Variants in PLEKHB2 observed in about 807,000 individuals in gnomAD.
The protein encoded by PLEKHB2 is pleckstrin homology domain-containing family B member 2.
In PLEKHB2, 31 loss-of-function variants were observed where a neutral mutation model predicts 36.5. The observed-to-expected ratio is 0.85, with a 90% confidence interval of 0.64 to 1.15. The LOEUF (loss-of-function observed/expected upper bound fraction) is 1.15, where lower values mean the gene tolerates loss of function less well. PLEKHB2 is among the 50% of genes most tolerant of loss of function. The pLI is 0.00. For missense variants in PLEKHB2, 262 were observed against 295.3 expected, an observed-to-expected ratio of 0.89 and a Z score of 0.83; for synonymous variants, 119 against 112.0, an observed-to-expected ratio of 1.06 and a Z score of -0.39.
At chr2:131,105,687 C>T (rs985790988) in intron 1 of PLEKHB2, among the ~76,000 whole-genome samples, 24 of 152,294 alleles carry the variant, frequency 1.6e-4, no homozygotes, top group African/African-American at 5.3e-4. Context: ...CAGACCCCTT[C>T]CCATCGCTTC....
rs1696430432 is a variant in PLEKHB2 at position 131,120,829 on chromosome 2, G to T, written c.-8-105G>T. The T allele has an allele frequency of 4.3e-6, 5 of 1,155,856 alleles. No individual in the cohort carries two copies. In the South Asian group the frequency reaches 5.1e-5, roughly 12 times the overall value. 71.6% of individuals were successfully genotyped at this position (1,155,856 alleles called of 1,614,324 possible). A position where few individuals can be genotyped will look rare whatever the true frequency, so the allele number is the denominator to read the frequency against. On this transcript the variant is annotated intron_variant, in intron 1 of 7. Coordinates refer to ENST00000693505, the MANE Select transcript of PLEKHB2 (RefSeq NM_001100623.2). ...GGGCACTGAGCTAAAATGGCCTTGG[G>T]CCCTTCCTCAGCTGATGCTGAAGGG...
intron 4 of PLEKHB2, among the ~76,000 whole-genome samples, chr2:131,129,586 C>T (rs1697458524): frequency 6.6e-6 from 1 of 152,124 alleles, no homozygotes; most frequent in Non-Finnish European, 1.5e-5. Context: ...CTCATTGCAA[C>T]CTCTGCCTCC....
intron 1 of PLEKHB2, among the ~76,000 whole-genome samples, chr2:131,109,007 A>G (rs949009698): frequency 5.3e-5 from 8 of 152,314 alleles, no homozygotes; most frequent in African/African-American, 1.7e-4. Context: ...TCTAAAGCTT[A>G]TACCCAAACA....
chr2:131,127,625 G>A (rs1009040085), intron 4 of PLEKHB2, among the ~76,000 whole-genome samples: 3 of 152,116 alleles, frequency 2.0e-5, no homozygotes, highest in Non-Finnish European at 2.9e-5. Context: ...TTCCCTGAGG[G>A]GAAAACATTT....
chr2:131,115,683 C>T (rs1381850656), intron 1 of PLEKHB2, among the ~76,000 whole-genome samples: 1 of 152,086 alleles, frequency 6.6e-6, no homozygotes, highest in Non-Finnish European at 1.5e-5. Context: ...ACACATTCTA[C>T]TGTAATATAT....
intron 1 of PLEKHB2, among the ~76,000 whole-genome samples, chr2:131,111,652 A>C (rs1695345042): frequency 6.6e-6 from 1 of 150,472 alleles, no homozygotes; most frequent in East Asian, 2.0e-4. Context: ...CACCACGCCC[A>C]ACTAATTTTT....
At chr2:131,140,754 A>G (rs1339700550) in intron 7 of PLEKHB2, among the ~76,000 whole-genome samples, 1 of 152,180 alleles carries the variant, frequency 6.6e-6, no homozygotes, top group Non-Finnish European at 1.5e-5. Flanking sequence ...CTTGGCAGGC[A>G]TGAGTAACTG....
intron 1 of PLEKHB2, 37 bp from the exon 2 acceptor site, chr2:131,120,896 TG>T: frequency 1.2e-6 from 2 of 1,603,354 alleles, no homozygotes; most frequent in Non-Finnish European, 1.7e-6. Flanking sequence ...ATTCTCTTTC[TG>T]GGTATGATTT....
chr2:131,129,342 A>G (rs1446247460), intron 4 of PLEKHB2, among the ~76,000 whole-genome samples: 4 of 150,634 alleles, frequency 2.7e-5, no homozygotes, highest in Non-Finnish European at 5.9e-5. Context: ...AAAAAAAAAA[A>G]AAAAAAAAAA....
intron 4 of PLEKHB2, among the ~76,000 whole-genome samples, chr2:131,127,335 C>T (rs529533851): frequency 2.0e-4 from 30 of 152,210 alleles, no homozygotes; most frequent in Non-Finnish European, 4.4e-4. Context: ...CCACATCACT[C>T]CGGTCTCTGC....
At chr2:131,145,962 T>C (rs1247920737) in intron 7 of PLEKHB2, among the ~76,000 whole-genome samples, 3 of 151,770 alleles carry the variant, frequency 2.0e-5, no homozygotes, top group Non-Finnish European at 4.4e-5. Context: ...GCGGGTGGAT[T>C]ACGAGGTCAG....
At chr2:131,146,315 G>A (rs1699280431) in intron 7 of PLEKHB2, among the ~76,000 whole-genome samples, 1 of 152,170 alleles carries the variant, frequency 6.6e-6, no homozygotes, top group African/African-American at 2.4e-5. Flanking sequence ...TGTCTCCCAT[G>A]TTCCCCATTT....
At position 131,127,054 on chromosome 2, in the gene PLEKHB2, G is replaced by A; in HGVS notation, c.293+268G>A. On this transcript the variant is annotated intron_variant, in intron 4 of 7. Transcript: ENST00000693505. ...GTCTTTCATTATTAGATTCACAGTGGGTAACGGGCATAGTTGAAATAAAAT... is the reference window on the plus strand; with the variant it reads ...GTCTTTCATTATTAGATTCACAGTGAGTAACGGGCATAGTTGAAATAAAAT... 1 of 335,752 alleles carries A rather than the reference G, an allele frequency of 3.0e-6. No homozygotes were observed. The highest frequency in any genetic ancestry group is 5.5e-6 in the Non-Finnish European group (1 of 183,326). The allele number at this position is 335,752 out of a possible 1,614,324, so 20.8% of individuals were successfully genotyped here.
intron 1 of PLEKHB2, among the ~76,000 whole-genome samples, chr2:131,108,503 G>C (rs1559040157): frequency 6.6e-6 from 1 of 152,330 alleles, no homozygotes; most frequent in East Asian, 1.9e-4. Flanking sequence ...TGAGCCATTT[G>C]AGAAGCAGCT....
chr2:131,118,050 T>C (rs778604545), intron 1 of PLEKHB2, among the ~76,000 whole-genome samples: 1 of 152,202 alleles, frequency 6.6e-6, no homozygotes, highest in Non-Finnish European at 1.5e-5. Flanking sequence ...TGCTGCTTAG[T>C]AGAAAGTCTT....
chr2:131,147,515 C>G lies in PLEKHB2; in HGVS notation c.*742C>G, dbSNP rs945844107. On this transcript the variant is annotated 3_prime_UTR_variant, in exon 8 of 8. Coordinates refer to ENST00000693505, the MANE Select transcript of PLEKHB2 (RefSeq NM_001100623.2). ...TTTAATCCTTTAAAACTTGGAGAAG[C>G]TGGCTGGGCGCGGTGGCTCACGCCT... 2 of 152,310 alleles carry G rather than the reference C, an allele frequency of 1.3e-5. No homozygotes were observed. The highest frequency in any genetic ancestry group is 4.8e-5 in the African/African-American group (2 of 41,452). The allele number at this position is 152,310 out of a possible 1,614,324, so 9.4% of individuals were successfully genotyped here. A position where few individuals can be genotyped will look rare whatever the true frequency, so the allele number is the denominator to read the frequency against.
chr2:131,146,584 G>A, intron 7 of PLEKHB2, 53 bp from the exon 8 acceptor site: 1 of 1,561,842 alleles, frequency 6.4e-7, no homozygotes, highest in Non-Finnish European at 8.7e-7. Context: ...TTTGCGTGAT[G>A]TTAAACTTCA....
At chr2:131,124,980 C>T (rs1696955610) in intron 2 of PLEKHB2, among the ~76,000 whole-genome samples, 1 of 151,972 alleles carries the variant, frequency 6.6e-6, no homozygotes, top group African/African-American at 2.4e-5. Context: ...GATGGGATTT[C>T]ACCATCGTGG....
rs182887816 is a variant in PLEKHB2 at position 131,119,452 on chromosome 2, A to G, written c.-8-1482A>G. On this transcript the variant is annotated intron_variant, in intron 1 of 7. Coordinates refer to ENST00000693505, the MANE Select transcript of PLEKHB2 (RefSeq NM_001100623.2). ...GCTGCTCCGCCTTGCCTGCCTGGTGATCTGTCCTGTGTGGAGGTACCCGCT... is the reference window on the plus strand; with the variant it reads ...GCTGCTCCGCCTTGCCTGCCTGGTGGTCTGTCCTGTGTGGAGGTACCCGCT... Among the ~76,000 whole-genome samples the G allele has an allele frequency of 1.5e-3, 233 of 152,238 alleles. 1 individual carries two copies. Among genetic ancestry groups the G allele is most frequent in the Non-Finnish European group, 2.6e-3 (179 of 68,012 alleles).
Sources: gnomAD v4.1 joint callset for allele counts (sites outside exome capture counted in the v4.1 genomes callset) on GRCh38, gnomAD v4.1.1 for gene constraint, MANE v1.5 for transcripts, NCBI Gene and HGNC (gene_info 2026-07-23, HGNC 2026-07-21) for gene names.